HERC6: variants seen among roughly 807,000 people sequenced by gnomAD.
HERC6 encodes the protein HECT and RLD domain containing E3 ubiquitin protein ligase family member 6, also known as probable E3 ubiquitin-protein ligase HERC6.
In HERC6, 101 loss-of-function variants were observed where a neutral mutation model predicts 114.5. The ratio of observed to expected loss-of-function variants is 0.88; its 90% CI spans 0.75 to 1.04. HERC6 has a LOEUF of 1.04. Ranked by LOEUF, HERC6 falls within the 50% of genes least tolerant of loss-of-function variation. The pLI, the probability that HERC6 is intolerant of heterozygous loss-of-function variation, is 0.00. For synonymous variants in HERC6, 408 were observed against 436.2 expected (o/e 0.94, Z 0.81); for missense variants, 1,133 against 1,230.9 (o/e 0.92, Z 1.19).
rs151146257 is a variant in HERC6, at chr4:88,401,503, A to G, written c.1092+3294A>G. The stretch of plus-strand genomic sequence containing the variant: ...GAGACTCCATCTCAAAAAAAAAAAA[A>G]AAAAGAAAAGAAAAAAGAGAAACAG... On this transcript the variant is annotated intron_variant, in intron 8 of 22. Transcript: ENST00000264346. Among the ~76,000 whole-genome samples, 468 of 152,020 alleles carry G rather than the reference A, an allele frequency of 3.1e-3. 5 individuals are homozygous for G. The highest frequency in any genetic ancestry group is 0.011 in the African/African-American group (439 of 41,496).
At chr4:88,422,939 G>T (rs1216339075) in intron 13 of HERC6, among the ~76,000 whole-genome samples, 1 of 151,540 alleles carries the variant, frequency 6.6e-6, no homozygotes, top group Non-Finnish European at 1.5e-5. Context: ...TTTTTTTCTT[G>T]TATTGCTGGG....
chr4:88,385,696 A>T, intron 3 of HERC6, 121 bp downstream of exon 3: 1 of 596,610 alleles, frequency 1.7e-6, no homozygotes, highest in African/African-American at 1.9e-5. Flanking sequence ...CAGGTTTCAT[A>T]AGATATATTG....
At chr4:88,381,953 A>C (rs80352224) in intron 1 of HERC6, among the ~76,000 whole-genome samples, 5,720 of 152,164 alleles carry the variant, frequency 0.038, 136 homozygotes, top group Middle Eastern at 0.092. Flanking sequence ...CTCTTCCTGC[A>C]TCTGTTGATT....
intron 7 of HERC6, among the ~76,000 whole-genome samples, chr4:88,397,838 A>G (rs1195870723): frequency 6.6e-6 from 1 of 152,244 alleles, no homozygotes; most frequent in East Asian, 1.9e-4. Context: ...AGAACAATCC[A>G]CTTTCATATA....
chr4:88,386,428 A>G (rs1478187702), intron 3 of HERC6, among the ~76,000 whole-genome samples: 1 of 151,558 alleles, frequency 6.6e-6, no homozygotes, highest in African/African-American at 2.4e-5. Context: ...CTGGTCTCGA[A>G]CTCCTGACCT....
intron 2 of HERC6, among the ~76,000 whole-genome samples, chr4:88,384,157 A>G (rs1734462402): frequency 6.6e-6 from 1 of 152,164 alleles, no homozygotes; most frequent in African/African-American, 2.4e-5. Context: ...CATTACTATT[A>G]CCATCAAAAA....
At chr4:88,420,391 G>A (rs147995317) in intron 13 of HERC6, among the ~76,000 whole-genome samples, 1 of 152,162 alleles carries the variant, frequency 6.6e-6, no homozygotes, top group Non-Finnish European at 1.5e-5. Flanking sequence ...CATTTGTCGG[G>A]CTTTTGATTG....
rs1734696211 is a variant in HERC6, at chr4:88,388,260, A to G, written c.437-2392A>G. ...AACATGGTGAAACCCTGTCTCTACTAAAAATATAGGCTGGGCACGGTGGCT... is the reference window on the plus strand; with the variant it reads ...AACATGGTGAAACCCTGTCTCTACTGAAAATATAGGCTGGGCACGGTGGCT... On this transcript the variant is annotated intron_variant, in intron 3 of 22. Transcript: ENST00000264346. Among the ~76,000 whole-genome samples, 5 of 152,032 alleles carry G rather than the reference A, an allele frequency of 3.3e-5. No homozygotes were observed. In the South Asian group the frequency reaches 8.3e-4, roughly 25 times the overall value.
At chr4:88,404,005 TC>T (rs1244951166) in intron 8 of HERC6, among the ~76,000 whole-genome samples, 1 of 151,978 alleles carries the variant, frequency 6.6e-6, no homozygotes, top group Admixed American at 6.6e-5. Context: ...AAATAATAAC[TC>T]CCCATTCCCT....
chr4:88,433,528 G>T (rs1353876105), intron 17 of HERC6, among the ~76,000 whole-genome samples: 6 of 152,062 alleles, frequency 3.9e-5, no homozygotes, highest in Non-Finnish European at 1.5e-5. Flanking sequence ...CATGGGAGTG[G>T]AACTGGTGGC....
chr4:88,393,545 T>TGCA lies in HERC6; in HGVS notation c.722_723insGCA (p.Ile241delinsMetHis). 6.2e-7 allele frequency: 1 copy of TGCA among 1,612,788 alleles called. No homozygotes were observed. The highest frequency in any genetic ancestry group is 8.5e-7 in the Non-Finnish European group (1 of 1,179,152). ...CTGAAGAATCTAGGTGTGGTTTATA[T>TGCA]CAGCTGTGGTGATGCACACACTGCG... On this transcript the variant is annotated protein_altering_variant, in exon 5 of 23. Coordinates refer to ENST00000264346, the MANE Select transcript of HERC6 (RefSeq NM_017912.4).
At chr4:88,421,780 C>G (rs1578407750) in intron 13 of HERC6, among the ~76,000 whole-genome samples, 1 of 152,136 alleles carries the variant, frequency 6.6e-6, no homozygotes, top group Non-Finnish European at 1.5e-5. Flanking sequence ...TTGTTATTAT[C>G]TGTCATTTGG....
chr4:88,391,717 A>G (rs1002877147), intron 4 of HERC6, among the ~76,000 whole-genome samples: 5 of 152,208 alleles, frequency 3.3e-5, no homozygotes, highest in Admixed American at 3.3e-4. Flanking sequence ...CAGTTCCTCT[A>G]GGCAAAAGAA....
intron 8 of HERC6, among the ~76,000 whole-genome samples, chr4:88,401,110 G>A (rs1489716500): frequency 3.3e-5 from 5 of 152,174 alleles, no homozygotes; most frequent in Non-Finnish European, 1.5e-5. Flanking sequence ...AATAAAAGGG[G>A]AACAAGTGCA....
At chr4:88,409,620 C>A (rs1578390505) in intron 11 of HERC6, among the ~76,000 whole-genome samples, 1 of 152,262 alleles carries the variant, frequency 6.6e-6, no homozygotes, top group South Asian at 2.1e-4. Context: ...AGCAGGATAA[C>A]CTTATCCTGG....
At chr4:88,420,041 T>A (rs1189877072) in intron 13 of HERC6, among the ~76,000 whole-genome samples, 3 of 152,028 alleles carry the variant, frequency 2.0e-5, no homozygotes, top group Non-Finnish European at 4.4e-5. Context: ...CTCTCTCGGC[T>A]TTTTTCTTTT....
intron 10 of HERC6, among the ~76,000 whole-genome samples, chr4:88,407,885 G>T (rs76362905): frequency 6.6e-6 from 1 of 152,308 alleles, no homozygotes; most frequent in African/African-American, 2.4e-5. Flanking sequence ...TTACAATTGG[G>T]AGTCTGGCTT....
intron 8 of HERC6, among the ~76,000 whole-genome samples, chr4:88,400,746 A>G (rs925134906): frequency 1.3e-5 from 2 of 152,232 alleles, no homozygotes; most frequent in African/African-American, 4.8e-5. Flanking sequence ...CATATGTTTT[A>G]TTACAGTAAA....
intron 22 of HERC6, 41 bp from the exon 23 acceptor site, chr4:88,442,193 C>G: frequency 5.0e-6 from 7 of 1,393,506 alleles, no homozygotes; most frequent in Non-Finnish European, 6.0e-6. Flanking sequence ...ATGTTTTACT[C>G]TTTCTATGAA....
Sources: allele counts gnomAD v4.1 joint callset (sites outside exome capture counted in the v4.1 genomes callset), GRCh38; gene constraint gnomAD v4.1.1; transcripts MANE v1.5; gene names NCBI Gene and HGNC (gene_info 2026-07-23, HGNC 2026-07-21).